Variants in GFRA1 observed in about 807,000 individuals in gnomAD.
GFRA1 encodes GDNF family receptor alpha 1.
GFRA1 carries 16 observed loss-of-function variants against 51.6 expected under a neutral mutation model. The ratio of observed to expected loss-of-function variants is 0.31; its 90% CI spans 0.21 to 0.47. The LOEUF is 0.47. GFRA1 is among the 20% of genes least tolerant of loss of function. The probability of loss-of-function intolerance (pLI) is 1.00; values close to 1 mark genes in which losing one functional copy is unlikely to be tolerated. For synonymous variants in GFRA1, 270 were observed against 241.3 expected (o/e 1.12, Z -1.10); for missense variants, 530 against 594.3 (o/e 0.89, Z 1.13).
rs558713236 is a variant in GFRA1 at position 116,057,262 on chromosome 10, A to G, written c.*7136T>C. 6.6e-6 allele frequency: 1 copy of G among 152,328 alleles called. No individual in the cohort carries two copies. The highest frequency in any genetic ancestry group is 2.4e-5 in the African/African-American group (1 of 41,562). 9.4% of individuals were successfully genotyped at this position (152,328 alleles called of 1,614,324 possible). Reference sequence around the variant, plus strand: ...GTGGGAAGCTCAGTAAACACACAATATAACATGGAGACCCGCCCGAAGCCT... The same window carrying G: ...GTGGGAAGCTCAGTAAACACACAATGTAACATGGAGACCCGCCCGAAGCCT... On this transcript the variant is annotated 3_prime_UTR_variant, in exon 11 of 11. Transcript: ENST00000355422.
At chr10:116,193,274 C>A (rs939807539) in intron 5 of GFRA1, among the ~76,000 whole-genome samples, 7 of 152,178 alleles carry the variant, frequency 4.6e-5, no homozygotes, top group Admixed American at 6.5e-5. Context: ...TCCACACCCA[C>A]TCCAGGGGCT....
intron 5 of GFRA1, among the ~76,000 whole-genome samples, chr10:116,188,546 T>C (rs940751053): frequency 6.6e-6 from 1 of 152,164 alleles, no homozygotes; most frequent in African/African-American, 2.4e-5. Context: ...ATGGTGGTGA[T>C]GGCTGCACAA....
chr10:116,260,206 C>T (rs1011725919), intron 4 of GFRA1, among the ~76,000 whole-genome samples: 1 of 152,308 alleles, frequency 6.6e-6, no homozygotes, highest in Admixed American at 6.5e-5. Flanking sequence ...GAAGAAATTG[C>T]TTGTTCTCTT....
At chr10:116,159,351 A>T (rs77990446) in intron 5 of GFRA1, among the ~76,000 whole-genome samples, 9,151 of 152,244 alleles carry the variant, frequency 0.06, 519 homozygotes, top group African/African-American at 0.16. Context: ...ACTGGGTCAT[A>T]CTGGTTTCAA....
At chr10:116,196,248 G>C (rs1177172856) in intron 5 of GFRA1, among the ~76,000 whole-genome samples, 1 of 150,664 alleles carries the variant, frequency 6.6e-6, no homozygotes, top group Non-Finnish European at 1.5e-5. Flanking sequence ...CCAGCACTTT[G>C]GGAGGCTGAG....
intron 5 of GFRA1, among the ~76,000 whole-genome samples, chr10:116,139,947 G>A (rs1958493406): frequency 6.6e-6 from 1 of 152,222 alleles, no homozygotes; most frequent in Non-Finnish European, 1.5e-5. Context: ...TGCCAACACA[G>A]ATACTAATTA....
intron 4 of GFRA1, among the ~76,000 whole-genome samples, chr10:116,234,721 G>A (rs1966847238): frequency 6.6e-6 from 1 of 152,178 alleles, no homozygotes; most frequent in Admixed American, 6.5e-5. Flanking sequence ...CACTAATCTG[G>A]AGTAGAACTG....
chr10:116,138,150 G>C, intron 5 of GFRA1, among the ~76,000 whole-genome samples: 1 of 152,084 alleles, frequency 6.6e-6, no homozygotes, highest in East Asian at 1.9e-4. Context: ...GGTGCTTCCT[G>C]TCCCATTGGG....
intron 5 of GFRA1, among the ~76,000 whole-genome samples, chr10:116,154,652 A>C (rs887283446): frequency 3.3e-5 from 5 of 152,268 alleles, no homozygotes; most frequent in African/African-American, 1.2e-4. Flanking sequence ...CACTTTGTAA[A>C]ACTGCATCTA....
chr10:116,175,370 C>T lies in GFRA1; in HGVS notation c.433+36261G>A, dbSNP rs201599210. ...ACTACGTCCCAGCTCCAAGAGATGG[C>T]TTGACATTTATCAGGAAGCCTGAGC... On this transcript the variant is annotated intron_variant, in intron 5 of 10. Transcript: ENST00000355422. Among the ~76,000 whole-genome samples the T allele has an allele frequency of 2.0e-5, 3 of 152,180 alleles. No homozygotes were observed. The East Asian group carries it at 5.8e-4, about 29-fold the overall frequency.
rs184865087 is a variant in GFRA1 at position 116,078,707 on chromosome 10, T to A, written c.1197+11034A>T. Among the ~76,000 whole-genome samples, 466 of 150,480 alleles carry A rather than the reference T, an allele frequency of 3.1e-3. 5 individuals carry two copies. The highest frequency in any genetic ancestry group is 0.014 in the Middle Eastern group (4 of 294). On this transcript the variant is annotated intron_variant, in intron 9 of 10. Coordinates refer to ENST00000355422, the MANE Select transcript of GFRA1 (RefSeq NM_005264.8). The stretch of plus-strand genomic sequence containing the variant: ...GCCAAGGTTTGGATTTTTTTCTATG[T>A]GACAAAAATAACAGCGGGTGCTAGA...
At chr10:116,093,630 A>C in intron 8 of GFRA1, 72 bp downstream of exon 8, 1 of 1,341,336 alleles carries the variant, frequency 7.5e-7, no homozygotes. Flanking sequence ...GGCACAAGGT[A>C]CAAGAGGTAC....
chr10:116,102,687 A>C (rs1397284331), intron 6 of GFRA1, among the ~76,000 whole-genome samples: 1 of 152,208 alleles, frequency 6.6e-6, no homozygotes, highest in East Asian at 1.9e-4. Flanking sequence ...ATCAGATCTC[A>C]TGAGACTTAT....
At chr10:116,250,655 T>G (rs1968260783) in intron 4 of GFRA1, among the ~76,000 whole-genome samples, 2 of 152,178 alleles carry the variant, frequency 1.3e-5, no homozygotes, top group Admixed American at 1.3e-4. Flanking sequence ...TTTGCTCATG[T>G]CTCAGAATTC....
chr10:116,199,842 T>A (rs1964187163), intron 5 of GFRA1, among the ~76,000 whole-genome samples: 2 of 152,202 alleles, frequency 1.3e-5, no homozygotes, highest in South Asian at 4.1e-4. Flanking sequence ...AACACTACCA[T>A]CATCCCAGAA....
intron 5 of GFRA1, among the ~76,000 whole-genome samples, chr10:116,206,905 T>C (rs1229289216): frequency 1.3e-5 from 2 of 152,136 alleles, no homozygotes; most frequent in African/African-American, 2.4e-5. Context: ...GTCCTGGGAT[T>C]ACAGGCGTGA....
chr10:116,144,744 T>C (rs2092966144), intron 5 of GFRA1, among the ~76,000 whole-genome samples: 1 of 152,064 alleles, frequency 6.6e-6, no homozygotes, highest in Non-Finnish European at 1.5e-5. Context: ...TGTTAAAACT[T>C]TTAGAAGAAA....
chr10:116,212,941 C>A (rs555202641), intron 4 of GFRA1, among the ~76,000 whole-genome samples: 2 of 152,314 alleles, frequency 1.3e-5, no homozygotes, highest in South Asian at 2.1e-4. Flanking sequence ...TATACCGCCT[C>A]CCACTCACTC....
At chr10:116,086,607 T>C (rs749670204) in intron 9 of GFRA1, among the ~76,000 whole-genome samples, 8 of 152,130 alleles carry the variant, frequency 5.3e-5, no homozygotes, top group Non-Finnish European at 7.4e-5. Flanking sequence ...GTCGTCATCT[T>C]AGGAGTCAAA....
Sources: gnomAD v4.1 joint callset for allele counts (sites outside exome capture counted in the v4.1 genomes callset) on GRCh38, gnomAD v4.1.1 for gene constraint, MANE v1.5 for transcripts, NCBI Gene and HGNC (gene_info 2026-07-23, HGNC 2026-07-21) for gene names.